The following CLEC2D variants were observed in gnomAD, a reference collection of about 807,000 sequenced individuals.
CLEC2D encodes C-type lectin domain family 2 member D.
In CLEC2D, 16 loss-of-function variants were observed where a neutral mutation model predicts 20.0. The observed-to-expected ratio is 0.80, with a 90% CI of 0.54 to 1.22. CLEC2D has a LOEUF of 1.22. Ranked by LOEUF, CLEC2D falls within the 50% of genes most tolerant of loss-of-function variation. CLEC2D has a pLI of 0.00. For synonymous variants in CLEC2D, 77 were observed against 71.1 expected, an observed-to-expected ratio of 1.08 and a Z score of -0.42; for missense variants, 207 against 221.5, an observed-to-expected ratio of 0.93 and a Z score of 0.42.
In CLEC2D at chr12:9,681,118, T is replaced by C. The variant is rs1395096328; in HGVS notation, c.172+85T>C. On this transcript the variant is annotated intron_variant, in intron 2 of 4. Transcript: ENST00000290855. ...AGAATCTGAATAATTTTGTTATTCT[T>C]TACAGCTTTTAATATATTGTCTCAC... 7.8e-6 allele frequency: 6 copies of C among 771,750 alleles called. No homozygotes were observed. The East Asian group carries it at 1.0e-4, about 13-fold the overall frequency. The allele number at this position is 771,750 out of a possible 1,614,324, so 47.8% of individuals were successfully genotyped here.
At chr12:9,679,684 A>AT (rs1321009059) in intron 1 of CLEC2D, among the ~76,000 whole-genome samples, 2 of 152,180 alleles carry the variant, frequency 1.3e-5, no homozygotes, top group Non-Finnish European at 2.9e-5. Context: ...ACTTAAACTG[A>AT]TAAAAACTAA....
At chr12:9,685,567 G>GGCTGCAGTGGCTTT (rs1010853183) in intron 2 of CLEC2D, among the ~76,000 whole-genome samples, 28 of 152,194 alleles carry the variant, frequency 1.8e-4, no homozygotes, top group Non-Finnish European at 2.2e-4. Context: ...GAGGCAGTCC[G>GGCTGCAGTGGCTTT]GCTGCAGTGG....
At chr12:9,670,522 C>T (rs1284166555) in intron 1 of CLEC2D, among the ~76,000 whole-genome samples, 1 of 152,036 alleles carries the variant, frequency 6.6e-6, no homozygotes, top group East Asian at 1.9e-4. Context: ...CATTTTATAC[C>T]AAATGCTTTA....
At chr12:9,690,904 T>C (rs1865847616) in intron 3 of CLEC2D, among the ~76,000 whole-genome samples, 1 of 152,062 alleles carries the variant, frequency 6.6e-6, no homozygotes. Flanking sequence ...CTTGTTTTAG[T>C]AATCACATTA....
chr12:9,678,672 G>A (rs190380443), intron 1 of CLEC2D, among the ~76,000 whole-genome samples: 2 of 152,070 alleles, frequency 1.3e-5, no homozygotes, highest in Admixed American at 1.3e-4. Flanking sequence ...TGAGTACCTG[G>A]TATTACGGGC....
chr12:9,675,231 T>C (rs1328541900), intron 1 of CLEC2D, among the ~76,000 whole-genome samples: 1 of 151,372 alleles, frequency 6.6e-6, no homozygotes, highest in East Asian at 1.9e-4. Flanking sequence ...TCTCACTCTC[T>C]TGCCCAGGCC....
At chr12:9,691,263 T>C (rs929857435) in intron 3 of CLEC2D, among the ~76,000 whole-genome samples, 2 of 152,082 alleles carry the variant, frequency 1.3e-5, no homozygotes, top group African/African-American at 4.8e-5. Flanking sequence ...TCAAAATATA[T>C]GAAGCAATAA....
At chr12:9,686,356 A>G (rs1201677333) in intron 2 of CLEC2D, among the ~76,000 whole-genome samples, 1 of 152,026 alleles carries the variant, frequency 6.6e-6, no homozygotes, top group Non-Finnish European at 1.5e-5. Context: ...GAGCAGTGAT[A>G]GCACAACAAA....
At chr12:9,677,721 T>A (rs1421329063) in intron 1 of CLEC2D, among the ~76,000 whole-genome samples, 3 of 150,254 alleles carry the variant, frequency 2.0e-5, no homozygotes, top group African/African-American at 4.9e-5. Context: ...TTTTTTTTTT[T>A]TTTTTTTATT....
chr12:9,692,947 C>A lies in CLEC2D; in HGVS notation c.461+16C>A. 1 of 1,603,414 alleles carries A rather than the reference C, an allele frequency of 6.2e-7. No individual in the cohort carries two copies. The highest frequency in any genetic ancestry group is 8.5e-7 in the Non-Finnish European group (1 of 1,170,694). ...GGACAAGACAGTAAGTTCTAAAAAT[C>A]TGGCAGTAATATTTGTATTTGAATT... On this transcript the variant is annotated intron_variant, in intron 4 of 4. Transcript: ENST00000290855.
At chr12:9,675,357 G>A (rs9668568) in intron 1 of CLEC2D, among the ~76,000 whole-genome samples, 9,030 of 151,914 alleles carry the variant, frequency 0.059, 319 homozygotes, top group Non-Finnish European at 0.084. Context: ...CACCACGCCC[G>A]GCTAATTTTT....
intron 4 of CLEC2D, chr12:9,693,737 A>T (rs1865915762): frequency 2.5e-6 from 1 of 404,902 alleles, no homozygotes. Context: ...TCTAGAATTA[A>T]CTTTTATTTC....
intron 2 of CLEC2D, among the ~76,000 whole-genome samples, chr12:9,683,353 T>C (rs1309444943): frequency 9.0e-6 from 1 of 111,170 alleles, no homozygotes; most frequent in African/African-American, 3.0e-5. Context: ...TTTTTTTTTT[T>C]TGTGCAGAAG....
chr12:9,686,581 G>T (rs1488591412), intron 2 of CLEC2D, among the ~76,000 whole-genome samples: 1 of 152,064 alleles, frequency 6.6e-6, no homozygotes, highest in African/African-American at 2.4e-5. Context: ...AAGGATAATG[G>T]TGCCAATTGA....
intron 1 of CLEC2D, among the ~76,000 whole-genome samples, chr12:9,674,443 A>G (rs1199476794): frequency 6.6e-6 from 1 of 152,190 alleles, no homozygotes; most frequent in Non-Finnish European, 1.5e-5. Flanking sequence ...CTGCCCAATG[A>G]GATGAACTTG....
intron 2 of CLEC2D, 44 bp downstream of exon 2, chr12:9,681,077 T>C (rs1177587205): frequency 9.9e-7 from 1 of 1,012,684 alleles, no homozygotes; most frequent in Admixed American, 2.0e-5. Context: ...GAATTATACT[T>C]GTAAAAAGAA....
In CLEC2D at chr12:9,699,140, A is replaced by T. The variant is rs1366968307; in HGVS notation, c.*4266A>T. On this transcript the variant is annotated 3_prime_UTR_variant, in exon 5 of 5. Transcript: ENST00000290855. ...CCCAAATTATTTACTCTTCCCCCAAAATCACCCACACTTCCCCATCTCCCT... is the reference window on the plus strand; with the variant it reads ...CCCAAATTATTTACTCTTCCCCCAATATCACCCACACTTCCCCATCTCCCT... 1 of 151,884 alleles carries T rather than the reference A, an allele frequency of 6.6e-6. No homozygotes were observed. Among genetic ancestry groups the T allele is most frequent in the African/African-American group, 2.4e-5 (1 of 41,316 alleles). The allele number at this position is 151,884 out of a possible 1,614,324, so 9.4% of individuals were successfully genotyped here. A position where few individuals can be genotyped will look rare whatever the true frequency, so the allele number is the denominator to read the frequency against.
At chr12:9,681,333 G>A (rs752202760) in intron 2 of CLEC2D, among the ~76,000 whole-genome samples, 8 of 152,158 alleles carry the variant, frequency 5.3e-5, no homozygotes, top group East Asian at 3.9e-4. Flanking sequence ...TCTCTTGTCC[G>A]ATCTAGGAAC....
At chr12:9,682,283 A>C (rs1239237001) in intron 2 of CLEC2D, among the ~76,000 whole-genome samples, 1 of 152,030 alleles carries the variant, frequency 6.6e-6, no homozygotes, top group Non-Finnish European at 1.5e-5. Context: ...CAAGTGTGGT[A>C]TTTCCCCATT....
Sources: allele counts gnomAD v4.1 joint callset (sites outside exome capture counted in the v4.1 genomes callset), GRCh38; gene constraint gnomAD v4.1.1; transcripts MANE v1.5; gene names NCBI Gene and HGNC (gene_info 2026-07-23, HGNC 2026-07-21).